Variants in DENND2B observed in about 807,000 individuals in gnomAD.
The protein encoded by DENND2B is DENN domain containing 2B.
Under a neutral mutation model 116.0 loss-of-function variants are expected in DENND2B, and 32 were observed. That is an observed-to-expected ratio of 0.28 (90% CI 0.21 to 0.37). The LOEUF is 0.37. Among genes scored for constraint, DENND2B ranks in the 10% least tolerant of loss-of-function variants. The pLI, the probability that DENND2B is intolerant of heterozygous loss-of-function variation, is 1.00. For missense variants in DENND2B, 1,276 were observed against 1,477.7 expected, an observed-to-expected ratio of 0.86 and a Z score of 2.24; for synonymous variants, 588 against 583.9, an observed-to-expected ratio of 1.01 and a Z score of -0.10.
At chr11:8,714,354 G>A (rs974113654) in intron 7 of DENND2B, among the ~76,000 whole-genome samples, 12 of 152,238 alleles carry the variant, frequency 7.9e-5, no homozygotes, top group African/African-American at 2.9e-4. Flanking sequence ...TTTGAAATGG[G>A]AAACAGACCG....
intron 2 of DENND2B, among the ~76,000 whole-genome samples, chr11:8,878,521 C>A (rs950922455): frequency 6.6e-6 from 1 of 151,998 alleles, no homozygotes; most frequent in Non-Finnish European, 1.5e-5. Flanking sequence ...TCCCAAATAG[C>A]TGGGATTATA....
chr11:8,698,712 A>C (rs2040911867), intron 16 of DENND2B, among the ~76,000 whole-genome samples: 1 of 152,208 alleles, frequency 6.6e-6, no homozygotes, highest in African/African-American at 2.4e-5. Flanking sequence ...CGTGTTCTTC[A>C]AATTCCCACA....
At chr11:8,737,723 T>C (rs1353099359) in intron 2 of DENND2B, among the ~76,000 whole-genome samples, 1 of 151,946 alleles carries the variant, frequency 6.6e-6, no homozygotes, top group Non-Finnish European at 1.5e-5. Flanking sequence ...TTCTTTTCTT[T>C]CTTTCATTCT....
chr11:8,839,447 G>A (rs1351114676), intron 3 of DENND2B: 1 of 152,118 alleles, frequency 6.6e-6, no homozygotes, highest in African/African-American at 2.4e-5. Context: ...TCCCTTAATT[G>A]TATTAGAGGC....
At position 8,726,275 on chromosome 11, in the gene DENND2B, T is replaced by A. The variant is rs7128811; in HGVS notation, c.1341-66A>T. 0.046 allele frequency: 70,683 copies of A among 1,544,394 alleles called. 2,021 individuals are homozygous for A. The highest frequency in any genetic ancestry group is 0.052 in the Non-Finnish European group (60,133 of 1,145,706). ...ATCTCTGCTGCCTTGCTGGGGAATG[T>A]CCATGGCAACAGCAAAGACCATAGG... On this transcript the variant is annotated intron_variant, in intron 3 of 19. Coordinates refer to ENST00000313726, the MANE Select transcript of DENND2B (RefSeq NM_213618.2).
At chr11:8,799,874 A>G (rs1456471820) in intron 1 of DENND2B, among the ~76,000 whole-genome samples, 1 of 151,248 alleles carries the variant, frequency 6.6e-6, no homozygotes, top group Non-Finnish European at 1.5e-5. Context: ...AATGAGTACA[A>G]AGTTCCACGT....
At chr11:8,886,108 A>AT (rs1297724225) in intron 1 of DENND2B, among the ~76,000 whole-genome samples, 1 of 151,786 alleles carries the variant, frequency 6.6e-6, no homozygotes, top group Non-Finnish European at 1.5e-5. Flanking sequence ...AATTTTTAAA[A>AT]TTTTTTTGTA....
At chr11:8,783,584 A>C (rs146068656) in intron 1 of DENND2B, among the ~76,000 whole-genome samples, 216 of 152,368 alleles carry the variant, frequency 1.4e-3, no homozygotes, top group African/African-American at 5.0e-3. Context: ...AACAATAATT[A>C]TGCTATAGGG....
intron 4 of DENND2B, among the ~76,000 whole-genome samples, chr11:8,817,282 A>G (rs1237279482): frequency 6.6e-6 from 1 of 152,162 alleles, no homozygotes; most frequent in African/African-American, 2.4e-5. Context: ...GGGTGCTATG[A>G]GGGCCTTCAG....
chr11:8,846,225 G>T (rs553638559), intron 3 of DENND2B, among the ~76,000 whole-genome samples: 2 of 152,198 alleles, frequency 1.3e-5, no homozygotes, highest in African/African-American at 4.8e-5. Context: ...GAAAGGGAGA[G>T]GGGACAGTGT....
chr11:8,793,090 C>T (rs749884738), intron 1 of DENND2B, among the ~76,000 whole-genome samples: 3 of 152,188 alleles, frequency 2.0e-5, no homozygotes, highest in Non-Finnish European at 2.9e-5. Context: ...TGAAGAAATG[C>T]AATGCTGCTC....
At chr11:8,765,551 G>A (rs2055558701) in intron 1 of DENND2B, among the ~76,000 whole-genome samples, 1 of 152,238 alleles carries the variant, frequency 6.6e-6, no homozygotes, top group African/African-American at 2.4e-5. Context: ...CATGTGAAAA[G>A]CAATGTGGAA....
intron 1 of DENND2B, among the ~76,000 whole-genome samples, chr11:8,758,409 G>T (rs1009749950): frequency 2.6e-5 from 4 of 152,074 alleles, no homozygotes; most frequent in African/African-American, 9.7e-5. Flanking sequence ...CAGTCTCCAG[G>T]TGTGCTCCGT....
chr11:8,767,196 G>GTCC (rs1462674109), intron 1 of DENND2B, among the ~76,000 whole-genome samples: 2 of 152,192 alleles, frequency 1.3e-5, no homozygotes, highest in East Asian at 3.8e-4. Flanking sequence ...TTTGGACTGA[G>GTCC]TCCTAAGGAC....
chr11:8,711,002 G>C, intron 10 of DENND2B, 88 bp from the exon 11 acceptor site: 1 of 1,573,972 alleles, frequency 6.4e-7, no homozygotes, highest in South Asian at 1.1e-5. Context: ...TTTCACGTGG[G>C]GTGAAGGGCC....
intron 2 of DENND2B, among the ~76,000 whole-genome samples, chr11:8,737,236 G>C (rs563527814): frequency 6.6e-6 from 1 of 152,198 alleles, no homozygotes; most frequent in South Asian, 2.1e-4. Context: ...CCTCTAGAGC[G>C]TAAGTGTAGC....
intron 18 of DENND2B, 50 bp downstream of exon 18, chr11:8,696,377 C>A: frequency 6.2e-7 from 1 of 1,604,160 alleles, no homozygotes; most frequent in Middle Eastern, 1.7e-4. Flanking sequence ...GTTCTTCAGC[C>A]CTGCTGTGGG....
intron 3 of DENND2B, among the ~76,000 whole-genome samples, chr11:8,850,423 G>C (rs1239727667): frequency 6.6e-6 from 1 of 151,774 alleles, no homozygotes; most frequent in African/African-American, 2.4e-5. Flanking sequence ...TATACAAATG[G>C]CCAACAGGTA....
chr11:8,806,828 C>T (rs540267546), intron 1 of DENND2B, among the ~76,000 whole-genome samples: 5 of 152,256 alleles, frequency 3.3e-5, no homozygotes, highest in African/African-American at 1.2e-4. Flanking sequence ...CAGCCCCTGC[C>T]TCCCCAGGAG....
Sources: allele counts gnomAD v4.1 joint callset (sites outside exome capture counted in the v4.1 genomes callset), GRCh38; gene constraint gnomAD v4.1.1; transcripts MANE v1.5; gene names NCBI Gene and HGNC (gene_info 2026-07-23, HGNC 2026-07-21).